Variants in DGKE observed in about 807,000 individuals in gnomAD.
DGKE encodes diacylglycerol kinase epsilon, also known as DAG kinase epsilon.
Under a neutral mutation model 70.0 loss-of-function variants are expected in DGKE, and 53 were observed. The observed-to-expected ratio is 0.76, with a 90% CI of 0.61 to 0.95. DGKE has a LOEUF of 0.95. Ranked by LOEUF, DGKE falls within the 40% of genes least tolerant of loss-of-function variation. The pLI is 0.00. For missense variants in DGKE, 655 were observed against 706.9 expected (o/e 0.93, Z 0.83); for synonymous variants, 291 against 257.0 (o/e 1.13, Z -1.27).
intron 6 of DGKE, 25 bp from the exon 7 acceptor site, chr17:56,849,156 G>T (rs760416099): frequency 1.3e-6 from 2 of 1,595,382 alleles, no homozygotes; most frequent in Admixed American, 1.7e-5. Flanking sequence ...AAAACGTGCT[G>T]TTTTTTTTAA....
At chr17:56,851,469 T>TA (rs756143306) in intron 7 of DGKE, among the ~76,000 whole-genome samples, 1 of 152,188 alleles carries the variant, frequency 6.6e-6, no homozygotes, top group Non-Finnish European at 1.5e-5. Flanking sequence ...TTGCCCAAGA[T>TA]AAAAATTAAC....
chr17:56,862,457 G>A (rs1347307089), intron 11 of DGKE, 155 bp from the exon 12 acceptor site: 1 of 913,580 alleles, frequency 1.1e-6, no homozygotes, highest in African/African-American at 1.7e-5. Flanking sequence ...CTTGAAAAAA[G>A]AATTCCTTAA....
intron 7 of DGKE, 72 bp downstream of exon 7, chr17:56,849,304 T>A (rs376936297): frequency 7.0e-5 from 95 of 1,355,656 alleles, no homozygotes; most frequent in Non-Finnish European, 9.7e-5. Flanking sequence ...TGTGGTGGGA[T>A]ACAGAGACCT....
chr17:56,848,382 T>C (rs1907439388), intron 5 of DGKE, among the ~76,000 whole-genome samples: 1 of 152,108 alleles, frequency 6.6e-6, no homozygotes, highest in Admixed American at 6.6e-5. Flanking sequence ...GCTGTCAAAC[T>C]CCTGGGCTCA....
intron 7 of DGKE, among the ~76,000 whole-genome samples, chr17:56,852,857 C>A (rs1041775815): frequency 8.5e-5 from 13 of 152,090 alleles, no homozygotes; most frequent in African/African-American, 3.1e-4. Context: ...TATCCCTTAT[C>A]CAAAAAAATG....
At chr17:56,849,730 T>C (rs2037119550) in intron 7 of DGKE, among the ~76,000 whole-genome samples, 1 of 152,222 alleles carries the variant, frequency 6.6e-6, no homozygotes, top group South Asian at 2.1e-4. Flanking sequence ...TACATATTAC[T>C]ATTAGATTTC....
At position 56,834,853 on chromosome 17, in the gene DGKE, G is replaced by C. The variant is rs373335233; in HGVS notation, c.58G>C (p.Gly20Arg). The C allele has an allele frequency of 5.6e-6, 9 of 1,611,684 alleles. No homozygotes were observed. The highest frequency in any genetic ancestry group is 7.6e-6 in the Non-Finnish European group (9 of 1,179,062). The change falls in exon 2 of 12, where the codon GGG (glycine) becomes CGG (arginine). Residue 20 changes from glycine (G) to arginine (R), a missense_variant. Transcript: ENST00000284061. The stretch of plus-strand genomic sequence containing the variant: ...GCCCTCCGAGGGCCTGTTTGCGGAC[G>C]GGCACCTGATCTTGTGGACGCTGTG... ...GSPSEGLFAD[G>R]HLILWTLCSV...
chr17:56,848,760 A>G lies in DGKE; in HGVS notation c.953A>G (p.Asn318Ser), dbSNP rs1160802291. ...CTGGGAACAGGCAACGATCTATCCA[A>G]TACATTGGGTTGGGGTACAGGTTAT... Reference protein sequence around the residue: ...LPLGTGNDLSNTLGWGTGYAG... With the variant: ...LPLGTGNDLSSTLGWGTGYAG... Residue 318 changes from asparagine (N) to serine (S), a missense_variant, in exon 6 of 12, where the codon AAT becomes AGT. Transcript: ENST00000284061. The G allele has an allele frequency of 7.4e-6, 12 of 1,614,160 alleles. No homozygotes were observed. Among genetic ancestry groups the G allele is most frequent in the South Asian group, 2.2e-5 (2 of 91,084 alleles).
chr17:56,837,171 G>C (rs1193272708), intron 2 of DGKE, among the ~76,000 whole-genome samples: 1 of 151,854 alleles, frequency 6.6e-6, no homozygotes, highest in Non-Finnish European at 1.5e-5. Context: ...AACATAAAAA[G>C]TTTCTCTGAA....
intron 2 of DGKE, among the ~76,000 whole-genome samples, chr17:56,843,816 T>G (rs1484567883): frequency 5.4e-5 from 4 of 74,134 alleles, no homozygotes; most frequent in Admixed American, 1.4e-4. Context: ...AAAAAAAAAG[T>G]GCTGTTAGAT....
chr17:56,850,228 G>A (rs746953389), intron 7 of DGKE, among the ~76,000 whole-genome samples: 21 of 151,856 alleles, frequency 1.4e-4, no homozygotes, highest in Non-Finnish European at 2.1e-4. Flanking sequence ...GGGCCCAAGC[G>A]ATCCTCCCAC....
chr17:56,843,225 A>T (rs1275530694), intron 2 of DGKE, among the ~76,000 whole-genome samples: 4 of 152,256 alleles, frequency 2.6e-5, no homozygotes, highest in Admixed American at 2.0e-4. Context: ...ATTAAAACTG[A>T]TAAATTTTTT....
intron 2 of DGKE, among the ~76,000 whole-genome samples, chr17:56,841,136 A>G (rs1174082452): frequency 6.6e-6 from 1 of 151,874 alleles, no homozygotes; most frequent in Admixed American, 6.6e-5. Context: ...CTGTAGTCCC[A>G]GCTGCTCAGG....
intron 2 of DGKE, among the ~76,000 whole-genome samples, chr17:56,842,052 T>A (rs1907015991): frequency 6.6e-6 from 1 of 152,190 alleles, no homozygotes; most frequent in Admixed American, 6.5e-5. Context: ...TTACAAACCA[T>A]GTTTTAAAAA....
intron 2 of DGKE, chr17:56,838,413 C>T (rs541632797): frequency 1.3e-5 from 2 of 152,352 alleles, no homozygotes; most frequent in East Asian, 3.9e-4. Flanking sequence ...ACCATTTCGT[C>T]TGTCATAATT....
At chr17:56,840,420 G>GGTTGC (rs1598019342) in intron 2 of DGKE, among the ~76,000 whole-genome samples, 1 of 152,058 alleles carries the variant, frequency 6.6e-6, no homozygotes, top group Non-Finnish European at 1.5e-5. Context: ...CTGTCGCTCA[G>GGTTGC]GTTGCAGTGC....
At position 56,848,719 on chromosome 17, in the gene DGKE, A is replaced by C; in HGVS notation, c.912A>C (p.Gln304His). 2 of 1,614,166 alleles carry C rather than the reference A, an allele frequency of 1.2e-6. No individual in the cohort carries two copies. The highest frequency in any genetic ancestry group is 1.1e-5 in the South Asian group (1 of 91,084). The part of the protein sequence containing the change: ...KIKGQEKYIP[Q>H]VAVLPLGTGN... ...AGGGACAAGAAAAGTACATTCCACA[A>C]GTTGCAGTTTTGCCTCTGGGAACAG... The change falls in exon 6 of 12, where the codon CAA becomes CAC. Residue 304 changes from glutamine to histidine, a missense_variant. Coordinates refer to ENST00000284061, the MANE Select transcript of DGKE (RefSeq NM_003647.3).
At chr17:56,838,039 T>C (rs1009240777) in intron 2 of DGKE, among the ~76,000 whole-genome samples, 1 of 152,208 alleles carries the variant, frequency 6.6e-6, no homozygotes, top group Non-Finnish European at 1.5e-5. Context: ...TTAGGTTATA[T>C]TTTTACATAT....
chr17:56,839,907 G>T (rs1048468834), intron 2 of DGKE, among the ~76,000 whole-genome samples: 1 of 152,128 alleles, frequency 6.6e-6, no homozygotes, highest in African/African-American at 2.4e-5. Context: ...TGGGCTGAGC[G>T]CAGTGGCTCA....
Sources: allele counts gnomAD v4.1 joint callset (sites outside exome capture counted in the v4.1 genomes callset), GRCh38; gene constraint gnomAD v4.1.1; transcripts MANE v1.5; gene names NCBI Gene and HGNC (gene_info 2026-07-23, HGNC 2026-07-21).